Variants in RTL4 observed in about 807,000 individuals in gnomAD.
RTL4 encodes the protein retrotransposon Gag-like protein 4.
In RTL4, 4 loss-of-function variants were observed where a neutral mutation model predicts 5.3. The observed-to-expected ratio is 0.75, with a 90% CI of 0.37 to 1.72. RTL4 has a LOEUF of 1.72. RTL4 is among the 40% of genes most tolerant of loss of function. The pLI is 0.04. For missense variants in RTL4, 260 were observed against 227.1 expected, an observed-to-expected ratio of 1.14 and a Z score of -0.93; for synonymous variants, 98 against 87.3, an observed-to-expected ratio of 1.12 and a Z score of -0.68.
At chrX:112,403,657 C>T in the RTL4 span, among the ~76,000 whole-genome samples, 1 of 112,354 alleles carries the variant, frequency 8.9e-6, no homozygotes, top group South Asian at 3.7e-4. Context: ...ATATTTATCT[C>T]TGCCTTCATG....
chrX:112,235,448 A>G, the RTL4 span, among the ~76,000 whole-genome samples: 1 of 111,300 alleles, frequency 9.0e-6, no homozygotes, highest in African/African-American at 3.3e-5. Context: ...TTGGGGCCCA[A>G]AGCAATCCCC....
the RTL4 span, among the ~76,000 whole-genome samples, chrX:112,323,254 C>G: frequency 3.6e-5 from 4 of 111,111 alleles, no homozygotes; most frequent in East Asian, 1.1e-3. Flanking sequence ...GCTAGTGAAT[C>G]TTTTTGTCTG....
At chrX:112,270,063 C>T in the RTL4 span, among the ~76,000 whole-genome samples, 1 of 112,190 alleles carries the variant, frequency 8.9e-6, no homozygotes, top group Admixed American at 9.4e-5. Context: ...AGAAAGGACT[C>T]ACTCTTTTCC....
the RTL4 span, among the ~76,000 whole-genome samples, chrX:112,282,004 G>A: frequency 8.9e-6 from 1 of 111,871 alleles, no homozygotes; most frequent in South Asian, 3.7e-4. Flanking sequence ...AATCTCACTT[G>A]TGTATTTTTG....
chrX:112,114,683 T>C, the RTL4 span, among the ~76,000 whole-genome samples: 1 of 111,409 alleles, frequency 9.0e-6, no homozygotes, highest in African/African-American at 3.3e-5. Context: ...TCTTTGTTTG[T>C]TTCCTTCTGG....
the RTL4 span, among the ~76,000 whole-genome samples, chrX:112,302,241 A>G: frequency 1.0e-5 from 1 of 99,042 alleles, no homozygotes; most frequent in East Asian, 3.0e-4. Flanking sequence ...AGCCTGGGCG[A>G]CAGAGCAAGA....
the RTL4 span, among the ~76,000 whole-genome samples, chrX:112,424,566 T>G: frequency 1.8e-5 from 2 of 111,280 alleles, no homozygotes; most frequent in Non-Finnish European, 3.8e-5. Context: ...GCAACTAATC[T>G]GAAGCATACT....
At chrX:112,128,659 C>CAAAAAAAAAAAA in the RTL4 span, among the ~76,000 whole-genome samples, 2 of 41,126 alleles carry the variant, frequency 4.9e-5, no homozygotes, top group Non-Finnish European at 1.1e-4. Context: ...CTCTGTCTCA[C>CAAAAAAAAAAAA]AAAAAAAAAA....
At chrX:112,230,090 T>C in the RTL4 span, among the ~76,000 whole-genome samples, 26,639 of 111,513 alleles carry the variant, frequency 0.24, 2,990 homozygotes, top group African/African-American at 0.45. Flanking sequence ...GCAGAGGTTA[T>C]TGCTGTCTTT....
At chrX:112,197,547 T>C in the RTL4 span, among the ~76,000 whole-genome samples, 957 of 111,747 alleles carry the variant, frequency 8.6e-3, 12 homozygotes, top group African/African-American at 0.029. Flanking sequence ...GGAGTAGTAT[T>C]GTATAAAAGT....
At chrX:112,355,292 A>T in the RTL4 span, among the ~76,000 whole-genome samples, 9 of 111,081 alleles carry the variant, frequency 8.1e-5, no homozygotes, top group Admixed American at 2.9e-4. Flanking sequence ...AGCAAAAAGC[A>T]TCCCCCTCAA....
chrX:112,325,968 C>A, the RTL4 span, among the ~76,000 whole-genome samples: 2 of 112,004 alleles, frequency 1.8e-5, no homozygotes, highest in African/African-American at 6.5e-5. Context: ...AAAACAACCC[C>A]ATCAACAAGT....
chrX:112,321,462 G>A, the RTL4 span, among the ~76,000 whole-genome samples: 1 of 107,826 alleles, frequency 9.3e-6, no homozygotes, highest in African/African-American at 3.4e-5. Context: ...CTTGAACCCA[G>A]GAAGTGGAGG....
At chrX:112,324,716 A>G in the RTL4 span, among the ~76,000 whole-genome samples, 1 of 111,508 alleles carries the variant, frequency 9.0e-6, no homozygotes, top group Non-Finnish European at 1.9e-5. Context: ...ATCAGAAAAT[A>G]TACTTCATAC....
At chrX:112,183,557 G>A in the RTL4 span, among the ~76,000 whole-genome samples, 1 of 111,711 alleles carries the variant, frequency 9.0e-6, no homozygotes. Context: ...AGGTCAAAAA[G>A]GACAAAGAAG....
the RTL4 span, among the ~76,000 whole-genome samples, chrX:112,085,418 G>C: frequency 1.5e-4 from 17 of 112,422 alleles, no homozygotes; most frequent in East Asian, 3.9e-3. Context: ...GTGGTAAATG[G>C]TATATGTAGA....
the RTL4 span, among the ~76,000 whole-genome samples, chrX:112,245,528 C>T: frequency 2.7e-3 from 298 of 111,734 alleles, 1 homozygote; most frequent in Middle Eastern, 9.3e-3. Context: ...GTTCTCATGC[C>T]ATGGTTTTCA....
the RTL4 span, among the ~76,000 whole-genome samples, chrX:112,340,787 G>C: frequency 9.0e-6 from 1 of 110,980 alleles, no homozygotes; most frequent in Non-Finnish European, 1.9e-5. Flanking sequence ...TGCGATCTCA[G>C]CTCACTGCTA....
chrX:112,162,841 G>C, the RTL4 span, among the ~76,000 whole-genome samples: 2 of 111,157 alleles, frequency 1.8e-5, no homozygotes, highest in Admixed American at 9.6e-5. Context: ...GGATCCTAAG[G>C]CGGGTAGTCT....
Sources: gnomAD v4.1 joint callset for allele counts (sites outside exome capture counted in the v4.1 genomes callset) on GRCh38, gnomAD v4.1.1 for gene constraint, MANE v1.5 for transcripts, NCBI Gene and HGNC (gene_info 2026-07-23, HGNC 2026-07-21) for gene names.